FANCB: variants seen among roughly 807,000 people sequenced by gnomAD.
FANCB encodes the protein Fanconi anemia group B protein.
In FANCB, 5 loss-of-function variants were observed where a neutral mutation model predicts 38.9. The ratio of observed to expected loss-of-function variants is 0.13; its 90% CI spans 0.07 to 0.27. The LOEUF (loss-of-function observed/expected upper bound fraction) is 0.27, where lower values mean the gene tolerates loss of function less well. Ranked by LOEUF, FANCB falls within the 10% of genes least tolerant of loss-of-function variation. The probability of loss-of-function intolerance (pLI) is 1.00; values close to 1 mark genes in which losing one functional copy is unlikely to be tolerated. For synonymous variants in FANCB, 236 were observed against 215.4 expected (o/e 1.10, Z -0.84); for missense variants, 573 against 602.7 (o/e 0.95, Z 0.52).
At chrX:14,821,947 G>A in the FANCB span, among the ~76,000 whole-genome samples, 130 of 112,042 alleles carry the variant, frequency 1.2e-3, 5 homozygotes, top group East Asian at 0.025. Flanking sequence ...GGGATAGCAA[G>A]AAAATCCTTT....
At position 14,844,593 on chromosome X, in the gene FANCB, T is replaced by C. The variant is rs2092367953; in HGVS notation, c.2075A>G (p.Tyr692Cys). 1 of 1,208,209 alleles carries C rather than the reference T, an allele frequency of 8.3e-7. No individual in the cohort carries two copies. Among genetic ancestry groups the C allele is most frequent in the Non-Finnish European group, 1.1e-6 (1 of 893,541 alleles). ...CEIIKEFPEV[Y>C]FCERPGSFYG... ...GAAACTTCCCGGTCTTTCACAAAAG[T>C]ACACTTCTGGAAATTCTTTGATTAT... The change falls in exon 9 of 10, where the codon TAC becomes TGC. Residue 692 changes from tyrosine to cysteine, a missense_variant. Tyr to Cys is a radical substitution (Grantham distance 194). Coordinates refer to ENST00000650831, the MANE Select transcript of FANCB (RefSeq NM_001018113.3).
the FANCB span, among the ~76,000 whole-genome samples, chrX:14,794,200 G>T: frequency 9.0e-6 from 1 of 111,475 alleles, no homozygotes; most frequent in Non-Finnish European, 1.9e-5. Context: ...GGAGAGCTTT[G>T]ATTTTTAACG....
At chrX:14,798,364 G>A in the FANCB span, among the ~76,000 whole-genome samples, 20 of 110,629 alleles carry the variant, frequency 1.8e-4, no homozygotes, top group Admixed American at 9.6e-4. Flanking sequence ...GGGTTTCACC[G>A]TGTTAGCCAG....
the FANCB span, among the ~76,000 whole-genome samples, chrX:14,740,109 A>C: frequency 1.8e-5 from 2 of 111,489 alleles, no homozygotes; most frequent in Admixed American, 1.9e-4. Context: ...GGACAAGGAG[A>C]CCCTTCACGT....
chrX:14,754,244 TA>T, the FANCB span, among the ~76,000 whole-genome samples: 30 of 112,338 alleles, frequency 2.7e-4, no homozygotes, highest in African/African-American at 9.7e-4. Context: ...AAAAACATCA[TA>T]GGGGAGACTA....
the FANCB span, among the ~76,000 whole-genome samples, chrX:14,742,102 C>A: frequency 9.0e-5 from 10 of 111,639 alleles, no homozygotes; most frequent in South Asian, 3.8e-3. Flanking sequence ...AAATGTAATG[C>A]CTAACTATCA....
At chrX:14,720,907 G>A in the FANCB span, among the ~76,000 whole-genome samples, 4 of 110,481 alleles carry the variant, frequency 3.6e-5, no homozygotes, top group South Asian at 3.9e-4. Context: ...CAAGATGGGA[G>A]GATTGCTTGA....
At chrX:14,779,725 T>C in the FANCB span, among the ~76,000 whole-genome samples, 1 of 107,386 alleles carries the variant, frequency 9.3e-6, no homozygotes, top group Non-Finnish European at 1.9e-5. Context: ...GCGATAATAA[T>C]CAGAAGATAG....
chrX:14,722,685 G>T, the FANCB span, among the ~76,000 whole-genome samples: 1 of 111,702 alleles, frequency 9.0e-6, no homozygotes, highest in Non-Finnish European at 1.9e-5. Flanking sequence ...ATGCAGAGGA[G>T]AAAGAAGTGG....
chrX:14,725,905 A>G, the FANCB span, among the ~76,000 whole-genome samples: 3 of 112,636 alleles, frequency 2.7e-5, no homozygotes, highest in South Asian at 7.3e-4. Context: ...GCATGTGTTG[A>G]AACCTTGACT....
chrX:14,834,281 T>C (rs2092335202), downstream of FANCB, among the ~76,000 whole-genome samples: 1 of 111,273 alleles, frequency 9.0e-6, no homozygotes, highest in Admixed American at 9.5e-5. Flanking sequence ...CAAGAAAGGG[T>C]GGAGTTCCAT....
At chrX:14,737,865 C>T in the FANCB span, among the ~76,000 whole-genome samples, 1 of 111,708 alleles carries the variant, frequency 9.0e-6, no homozygotes, top group Non-Finnish European at 1.9e-5. Flanking sequence ...AATTCTTTTC[C>T]TTTCTCTGCA....
chrX:14,737,970 G>A, the FANCB span, among the ~76,000 whole-genome samples: 2 of 111,817 alleles, frequency 1.8e-5, no homozygotes, highest in South Asian at 3.7e-4. Flanking sequence ...GGCAGAGTGG[G>A]TAGGCACTTT....
chrX:14,725,207 C>T, the FANCB span, among the ~76,000 whole-genome samples: 2 of 111,686 alleles, frequency 1.8e-5, no homozygotes, highest in Admixed American at 9.5e-5. Context: ...TAAATGCTAT[C>T]CATTTATTAT....
At position 14,844,529 on chromosome X, in the gene FANCB, G is replaced by T. The variant is rs1312005700; in HGVS notation, c.2139C>A (p.Phe713Leu). 1.7e-6 allele frequency: 2 copies of T among 1,200,903 alleles called. No individual in the cohort carries two copies. The highest frequency in any genetic ancestry group is 3.5e-5 in the South Asian group (2 of 56,750). ...TGGAATAGATTATTAAAATCCCTTC[G>T]AATGGTGTTCTCTGTTTCCAAGTGA... ...TLFTWKQRTPFEGILIIYSRN... is the reference protein window; with the variant it reads ...TLFTWKQRTPLEGILIIYSRN... The change falls in exon 9 of 10, where the codon TTC becomes TTA. Residue 713 changes from phenylalanine to leucine, a missense_variant. Transcript: ENST00000650831.
chrX:14,781,938 T>A, the FANCB span, among the ~76,000 whole-genome samples: 1 of 111,582 alleles, frequency 9.0e-6, no homozygotes, highest in African/African-American at 3.3e-5. Flanking sequence ...CAGAAAGAAA[T>A]GTTGGTCATG....
chrX:14,857,754 T>C, intron 5 of FANCB, 108 bp downstream of exon 5: 1 of 582,287 alleles, frequency 1.7e-6, no homozygotes, highest in Non-Finnish European at 3.0e-6. Context: ...AATACCATTT[T>C]TACCCAAGCA....
At chrX:14,839,248 C>G (rs1003503473), downstream of FANCB, among the ~76,000 whole-genome samples, 1 of 110,413 alleles carries the variant, frequency 9.1e-6, no homozygotes, top group African/African-American at 3.3e-5. Context: ...GCTGAGATCA[C>G]GCCACTGCAC....
Position 14,843,644 on chromosome X carries a change from A to G in FANCB, c.2503T>C (p.Tyr835His). Reference sequence around the variant, plus strand: ...GCTACTTTCAAAGTTATTTCTCTGTAAAGGGCACCACTCACTTTTAGGTTC... The same window carrying G: ...GCTACTTTCAAAGTTATTTCTCTGTGAAGGGCACCACTCACTTTTAGGTTC... ...QTNLKVSGALYREITLKVAEV... is the reference protein window; with the variant it reads ...QTNLKVSGALHREITLKVAEV... The change falls in exon 10 of 10, where the codon TAC becomes CAC. Residue 835 changes from tyrosine to histidine, a missense_variant. By Grantham distance (83) the Tyr-to-His change is moderately conservative. Transcript: ENST00000650831. 7 of 1,209,583 alleles carry G rather than the reference A, an allele frequency of 5.8e-6. No individual in the cohort carries two copies. Among genetic ancestry groups the G allele is most frequent in the Non-Finnish European group, 7.8e-6 (7 of 893,906 alleles).
Sources: gnomAD v4.1 joint callset for allele counts (sites outside exome capture counted in the v4.1 genomes callset) on GRCh38, gnomAD v4.1.1 for gene constraint, MANE v1.5 for transcripts, NCBI Gene and HGNC (gene_info 2026-07-23, HGNC 2026-07-21) for gene names.